ABR: variants seen among roughly 807,000 people sequenced by gnomAD.
The protein encoded by ABR is active breakpoint cluster region-related protein.
Under a neutral mutation model 107.2 loss-of-function variants are expected in ABR, and 35 were observed. That is an observed-to-expected ratio of 0.33 (90% CI 0.25 to 0.43). ABR has a LOEUF of 0.43. ABR is among the 20% of genes least tolerant of loss of function. The pLI is 1.00. For missense variants in ABR, 815 were observed against 1,115.2 expected (o/e 0.73, Z 3.83); for synonymous variants, 498 against 462.0 (o/e 1.08, Z -1.00).
chr17:1,040,728 G>A (rs769926528), intron 16 of ABR, among the ~76,000 whole-genome samples: 49 of 152,278 alleles, frequency 3.2e-4, no homozygotes, highest in Middle Eastern at 6.8e-3. Context: ...GCCAGGCCCC[G>A]GGTCCAGGGT....
At chr17:1,045,211 G>T (rs1440202411) in intron 16 of ABR, among the ~76,000 whole-genome samples, 2 of 152,192 alleles carry the variant, frequency 1.3e-5, no homozygotes, top group African/African-American at 4.8e-5. Context: ...ATTGCTTTTG[G>T]AATTAAAAAA....
At position 1,083,627 on chromosome 17, in the gene ABR, C is replaced by G; in HGVS notation, c.532G>C (p.Ala178Pro). The G allele has an allele frequency of 6.2e-7, 1 of 1,613,536 alleles. No individual in the cohort carries two copies. The highest frequency in any genetic ancestry group is 8.5e-7 in the Non-Finnish European group (1 of 1,179,674). The change falls in exon 5 of 23, where the codon GCC becomes CCC. Residue 178 changes from alanine to proline, a missense_variant and splice_region_variant. This residue lies in a region of ABR where 385 missense variants were observed against 596.9 expected (regional missense o/e 0.64). Transcript: ENST00000302538. ...GCTTTGTACACACCGAGCTGGCTGGCCTGCAGGGAGGAGTCAGGGAACAGA... is the reference window on the plus strand; with the variant it reads ...GCTTTGTACACACCGAGCTGGCTGGGCTGCAGGGAGGAGTCAGGGAACAGA... ...VTMGHLFQKL[A>P]SQLGVYKAFV... is the part of the protein sequence containing the mutation.
rs1416229293 is a variant in ABR, at chr17:1,051,294, A to G, written c.1562-660T>C. Among the ~76,000 whole-genome samples, 1 of 152,102 alleles carries G rather than the reference A, an allele frequency of 6.6e-6. No homozygotes were observed. The highest frequency in any genetic ancestry group is 1.5e-5 in the Non-Finnish European group (1 of 68,002). On this transcript the variant is annotated intron_variant, in intron 14 of 22. Coordinates refer to ENST00000302538, the MANE Select transcript of ABR (RefSeq NM_021962.5). The surrounding 1 kb of genome is among the most constrained non-coding windows in gnomAD (Gnocchi z 4.3). Reference sequence around the variant, plus strand: ...CCCACGACGTAAACACCATGTGGAGAGAAGCCTGGGTTTTCCTGCCTGCCG... The same window carrying G: ...CCCACGACGTAAACACCATGTGGAGGGAAGCCTGGGTTTTCCTGCCTGCCG...
rs1018768644 is a variant in ABR, at chr17:1,046,863, CACG to C, written c.1791+3184_1791+3186del. Among the ~76,000 whole-genome samples, 15 of 152,322 alleles carry C rather than the reference CACG, an allele frequency of 9.8e-5. 1 individual carries two copies. In the East Asian group the frequency reaches 1.4e-3, roughly 14 times the overall value. On this transcript the variant is annotated intron_variant, in intron 16 of 22. Coordinates refer to ENST00000302538, the MANE Select transcript of ABR (RefSeq NM_021962.5). Reference sequence around the variant, plus strand: ...GGGACTGTCATTCTCCCTGGAGGATCACGACAAGGATCACACGAGGAGATGGCA... The same window carrying C: ...GGGACTGTCATTCTCCCTGGAGGATCACAAGGATCACACGAGGAGATGGCA...
At chr17:1,222,271 G>A (rs533524353) in intron 1 of ABR, among the ~76,000 whole-genome samples, 6 of 152,108 alleles carry the variant, frequency 3.9e-5, no homozygotes, top group African/African-American at 1.4e-4. Flanking sequence ...CACCATGTTG[G>A]CCAGGCTGGT....
chr17:1,191,760 A>C (rs1304634953), upstream of ABR, among the ~76,000 whole-genome samples: 1 of 152,166 alleles, frequency 6.6e-6, no homozygotes, highest in Admixed American at 6.5e-5. Context: ...GAAACGAGGC[A>C]GCAAACACTT....
At chr17:1,021,718 C>G (rs530130361) in intron 16 of ABR, among the ~76,000 whole-genome samples, 23 of 151,750 alleles carry the variant, frequency 1.5e-4, no homozygotes, top group African/African-American at 5.3e-4. Flanking sequence ...GCAGGAGAAT[C>G]GCTTGAACCC....
At chr17:1,171,751 G>C (rs1324728309) in intron 1 of ABR, among the ~76,000 whole-genome samples, 3 of 152,150 alleles carry the variant, frequency 2.0e-5, no homozygotes, top group African/African-American at 7.2e-5. Flanking sequence ...GATCAACATG[G>C]AGAAATCCCT....
intron 1 of ABR, among the ~76,000 whole-genome samples, chr17:1,168,683 G>A (rs948806007): frequency 9.2e-5 from 14 of 152,236 alleles, no homozygotes; most frequent in Admixed American, 6.5e-4. Context: ...TTCACTCAGG[G>A]AGGGGCTTGA....
intron 5 of ABR, chr17:1,083,123 CAAAAAAA>C: frequency 3.2e-5 from 2 of 62,806 alleles, no homozygotes; most frequent in East Asian, 4.1e-4. Context: ...GACTCTGTCT[CAAAAAAA>C]AAAAAAAAAA....
At chr17:1,129,730 C>T (rs1460879178) in intron 1 of ABR, among the ~76,000 whole-genome samples, 9 of 152,168 alleles carry the variant, frequency 5.9e-5, no homozygotes, top group South Asian at 2.1e-4. Context: ...AGGTGGATCA[C>T]GAGGTTAGGA....
intron 16 of ABR, among the ~76,000 whole-genome samples, chr17:1,025,667 G>T (rs1301193767): frequency 1.3e-5 from 2 of 152,132 alleles, no homozygotes; most frequent in Non-Finnish European, 2.9e-5. Context: ...AATTCTTCTT[G>T]TCATTTAAAT....
At chr17:1,079,433 A>ACCTCTCC (rs1370966261) in intron 5 of ABR, 43 bp from the exon 6 acceptor site, 1 of 1,559,758 alleles carries the variant, frequency 6.4e-7, no homozygotes, top group Non-Finnish European at 8.8e-7. Flanking sequence ...TCTGTCCCTC[A>ACCTCTCC]CCTCTCCCAG....
chr17:1,150,593 G>A lies in ABR; in HGVS notation c.62-25226C>T, dbSNP rs959761195. Among the ~76,000 whole-genome samples the A allele has an allele frequency of 3.3e-5, 5 of 152,276 alleles. No individual in the cohort carries two copies. The highest frequency in any genetic ancestry group is 3.4e-3 in the Middle Eastern group (1 of 294). On this transcript the variant is annotated intron_variant, in intron 1 of 22. Coordinates refer to ENST00000302538, the MANE Select transcript of ABR (RefSeq NM_021962.5). The surrounding 1 kb of genome is among the most constrained non-coding windows in gnomAD (Gnocchi z 4.8). The stretch of plus-strand genomic sequence containing the variant: ...CACTGCCCCCTCTCACTCCTCCGGC[G>A]GCCGCCGTCCACTCCCAGTCCTAGA...
At chr17:1,147,165 A>G (rs1178242674) in intron 1 of ABR, among the ~76,000 whole-genome samples, 1 of 152,130 alleles carries the variant, frequency 6.6e-6, no homozygotes, top group East Asian at 1.9e-4. Context: ...AAAATTACAC[A>G]CAGCTCTTTC....
In ABR at chr17:1,013,180, G is replaced by A. The variant is rs116071101; in HGVS notation, c.1792-16C>T. 6.9e-4 allele frequency: 1,114 copies of A among 1,613,766 alleles called. 8 individuals carry two copies. In the African/African-American group the frequency reaches 0.013, roughly 19 times the overall value. On this transcript the variant is annotated splice_polypyrimidine_tract_variant and intron_variant, in intron 16 of 22. Transcript: ENST00000302538. Reference sequence around the variant, plus strand: ...GTGGGTCCAGCTGCAGAGAGAGAATGTGGGTGAGAGAGGTGCCAGCTCGGA... The same window carrying A: ...GTGGGTCCAGCTGCAGAGAGAGAATATGGGTGAGAGAGGTGCCAGCTCGGA...
In ABR at chr17:1,203,481, GCGGGGCCCGCGGGGA is replaced by G. The variant is rs1249017951; in HGVS notation, c.838+25297_838+25311del. 4.1e-5 allele frequency among the ~76,000 whole-genome samples: 4 copies of G among 96,732 alleles called. 1 individual carries two copies. Among genetic ancestry groups the G allele is most frequent in the Non-Finnish European group, 9.0e-5 (4 of 44,674 alleles). The allele number at this position is 96,732 out of a possible 152,430, so 63.5% of individuals were successfully genotyped here. A position where few individuals can be genotyped will look rare whatever the true frequency, so the allele number is the denominator to read the frequency against. On this transcript the variant is annotated intron_variant, in intron 1 of 22. Coordinates refer to the ABR transcript ENST00000574139. Reference sequence around the variant, plus strand: ...GCCCGCGGGGACGGAGTCTGCGGGGGCGGGGCCCGCGGGGACGGAGTCTGCGGGGGCGGGGGCCGC... The same window carrying G: ...GCCCGCGGGGACGGAGTCTGCGGGGGCGGAGTCTGCGGGGGCGGGGGCCGC...
At chr17:1,012,506 C>A (rs2070693801) in intron 18 of ABR, 182 bp downstream of exon 18, 2 of 702,232 alleles carry the variant, frequency 2.8e-6, no homozygotes, top group East Asian at 5.4e-5. Flanking sequence ...TCGCGTGCTT[C>A]TGAAGTGTCC....
chr17:1,026,659 T>C (rs1001528082), intron 16 of ABR, among the ~76,000 whole-genome samples: 3 of 152,084 alleles, frequency 2.0e-5, no homozygotes, highest in Non-Finnish European at 2.9e-5. Flanking sequence ...GCTGCGTTTC[T>C]CCCCAGGGTG....
Sources: allele counts gnomAD v4.1 joint callset (sites outside exome capture counted in the v4.1 genomes callset), GRCh38; gene constraint gnomAD v4.1.1; regional missense constraint gnomAD v4.1.1; non-coding constraint Gnocchi (gnomAD v3.1); transcripts MANE v1.5; gene names NCBI Gene and HGNC (gene_info 2026-07-23, HGNC 2026-07-21).